AFF1: variants seen among roughly 807,000 people sequenced by gnomAD.
AFF1 encodes the protein AF4/FMR2 family member 1.
AFF1 carries 48 observed loss-of-function variants against 121.7 expected under a neutral mutation model. The observed-to-expected ratio is 0.39, with a 90% confidence interval of 0.31 to 0.50. The LOEUF is 0.50. Among genes scored for constraint, AFF1 ranks in the 20% least tolerant of loss-of-function variants. The pLI, the probability that AFF1 is intolerant of heterozygous loss-of-function variation, is 0.76. For missense variants in AFF1, 1,523 were observed against 1,511.7 expected (o/e 1.01, Z -0.12); for synonymous variants, 613 against 563.0 (o/e 1.09, Z -1.26).
chr4:87,075,459 A>G (rs1405478390), intron 4 of AFF1, among the ~76,000 whole-genome samples: 1 of 152,220 alleles, frequency 6.6e-6, no homozygotes, highest in Non-Finnish European at 1.5e-5. Flanking sequence ...CTGGGGTGCC[A>G]GCACATCTCT....
chr4:86,987,195 C>A (rs565942275), intron 2 of AFF1, among the ~76,000 whole-genome samples: 39 of 152,302 alleles, frequency 2.6e-4, no homozygotes, highest in African/African-American at 8.4e-4. Flanking sequence ...GCTGCTTTCT[C>A]TGTGCTCTGC....
At chr4:87,035,376 A>G (rs1011941296) in intron 2 of AFF1, among the ~76,000 whole-genome samples, 11 of 152,166 alleles carry the variant, frequency 7.2e-5, no homozygotes, top group African/African-American at 2.4e-4. Context: ...CCTGGCTAAC[A>G]TGGTGAAACC....
At chr4:87,062,336 C>T (rs960000628) in intron 4 of AFF1, among the ~76,000 whole-genome samples, 2 of 152,142 alleles carry the variant, frequency 1.3e-5, no homozygotes, top group Non-Finnish European at 2.9e-5. Context: ...ATGGAAGAGA[C>T]TTGCTCCCTC....
intron 2 of AFF1, among the ~76,000 whole-genome samples, chr4:87,022,630 A>G (rs57227310): frequency 0.64 from 43,585 of 67,922 alleles, 14,370 homozygotes; most frequent in Non-Finnish European, 0.78. Context: ...GTGTATATAT[A>G]TGTGCGTGTA....
intron 4 of AFF1, among the ~76,000 whole-genome samples, chr4:87,051,744 A>G (rs1211362770): frequency 6.6e-6 from 1 of 152,060 alleles, no homozygotes; most frequent in Non-Finnish European, 1.5e-5. Context: ...CTGGGATTAC[A>G]GGTGTGAGCC....
At chr4:86,955,039 T>C (rs898084934) in intron 2 of AFF1, among the ~76,000 whole-genome samples, 1 of 152,240 alleles carries the variant, frequency 6.6e-6, no homozygotes, top group Non-Finnish European at 1.5e-5. Context: ...AATTATCCTT[T>C]TTGTTCCACC....
At chr4:87,007,359 G>A (rs1304068735) in intron 2 of AFF1, 3 of 1,612,804 alleles carry the variant, frequency 1.9e-6, no homozygotes, top group East Asian at 4.5e-5. Context: ...AGGGCCCGCG[G>A]GGTGAAGGCG....
At chr4:87,013,937 G>A (rs1461342103) in intron 2 of AFF1, among the ~76,000 whole-genome samples, 1 of 152,092 alleles carries the variant, frequency 6.6e-6, no homozygotes, top group Non-Finnish European at 1.5e-5. Flanking sequence ...GCATGTGTGA[G>A]TGAGAGAGAT....
chr4:86,961,531 C>T (rs1432021847), intron 2 of AFF1, among the ~76,000 whole-genome samples: 1 of 151,116 alleles, frequency 6.6e-6, no homozygotes, highest in Non-Finnish European at 1.5e-5. Flanking sequence ...TGCATCTTTT[C>T]CAGTGAAGGA....
intron 4 of AFF1, among the ~76,000 whole-genome samples, chr4:87,055,304 T>G (rs1720004139): frequency 6.6e-6 from 1 of 152,218 alleles, no homozygotes; most frequent in Non-Finnish European, 1.5e-5. Flanking sequence ...ATGCAAAGAA[T>G]AGAATTGCTT....
At chr4:87,006,503 C>T (rs1225723555) in intron 2 of AFF1, among the ~76,000 whole-genome samples, 2 of 152,136 alleles carry the variant, frequency 1.3e-5, no homozygotes, top group African/African-American at 2.4e-5. Flanking sequence ...CCAAAAAAGG[C>T]GGGCTGTTTT....
chr4:86,999,298 CAAGG>C (rs1165085009), intron 2 of AFF1, among the ~76,000 whole-genome samples: 1 of 152,148 alleles, frequency 6.6e-6, no homozygotes, highest in Non-Finnish European at 1.5e-5. Flanking sequence ...CTTTTATTCC[CAAGG>C]AAGGAACTAA....
At position 87,105,828 on chromosome 4, in the gene AFF1, C is replaced by T. The variant is rs746565251; in HGVS notation, c.1359C>T (p.Ser453=). ...DSEQTPEKPP[S]SSAPPSAPQS... is the part of the protein sequence containing the mutation. ...CCTAGACCCCAGAGAAGCCTCCCTC[C>T]TCATCTGCACCTCCAAGGTACCGTG... The change falls in exon 10 of 21, where the codon TCC becomes TCT. Residue 453 remains serine (S), a synonymous_variant. Transcript: ENST00000395146. 3 of 1,614,004 alleles carry T rather than the reference C, an allele frequency of 1.9e-6. No individual in the cohort carries two copies. Among genetic ancestry groups the T allele is most frequent in the Admixed American group, 1.7e-5 (1 of 59,986 alleles).
At chr4:87,067,404 T>C (rs1206150016) in intron 4 of AFF1, among the ~76,000 whole-genome samples, 2 of 152,240 alleles carry the variant, frequency 1.3e-5, no homozygotes, top group Non-Finnish European at 2.9e-5. Context: ...CAAAGTCTGC[T>C]GAAGTTGTTC....
At chr4:87,025,237 A>G (rs976761119) in intron 2 of AFF1, among the ~76,000 whole-genome samples, 8 of 152,246 alleles carry the variant, frequency 5.3e-5, no homozygotes, top group Admixed American at 2.6e-4. Flanking sequence ...ATATTCATTA[A>G]TAATGACTCA....
At chr4:87,067,444 G>A (rs553757311) in intron 4 of AFF1, among the ~76,000 whole-genome samples, 1 of 152,324 alleles carries the variant, frequency 6.6e-6, no homozygotes, top group South Asian at 2.1e-4. Flanking sequence ...GTAACTTCAC[G>A]AGAATTACTG....
chr4:87,102,385 A>G (rs1174492852), intron 8 of AFF1, among the ~76,000 whole-genome samples: 1 of 145,992 alleles, frequency 6.8e-6, no homozygotes, highest in African/African-American at 2.4e-5. Flanking sequence ...ATTTTAAATC[A>G]AAGTCTCTCT....
chr4:87,135,744 A>G lies in AFF1; in HGVS notation c.*43A>G. On this transcript the variant is annotated 3_prime_UTR_variant, in exon 21 of 21. Coordinates refer to ENST00000395146, the MANE Select transcript of AFF1 (RefSeq NM_001166693.3). ...TCAATGCCTTGGGAACTATTTTTGC[A>G]CATTGGAAGCCTCAAAAACAGTCCA... The G allele has an allele frequency of 1.9e-6, 3 of 1,586,676 alleles. No homozygotes were observed. Among genetic ancestry groups the G allele is most frequent in the Non-Finnish European group, 2.6e-6 (3 of 1,164,920 alleles).
At chr4:87,029,648 C>A (rs1728874359) in intron 2 of AFF1, among the ~76,000 whole-genome samples, 1 of 152,142 alleles carries the variant, frequency 6.6e-6, no homozygotes, top group Non-Finnish European at 1.5e-5. Flanking sequence ...CCTAGTGTTT[C>A]CTTTTGCTGT....
Sources: gnomAD v4.1 joint callset for allele counts (sites outside exome capture counted in the v4.1 genomes callset) on GRCh38, gnomAD v4.1.1 for gene constraint, MANE v1.5 for transcripts, NCBI Gene and HGNC (gene_info 2026-07-23, HGNC 2026-07-21) for gene names.